The following CARS1 variants were observed in gnomAD, a reference collection of about 807,000 sequenced individuals.
CARS1 encodes cysteine--tRNA ligase, cytoplasmic.
In CARS1, 48 loss-of-function variants were observed where a neutral mutation model predicts 106.2. That is an observed-to-expected ratio of 0.45 (90% CI 0.36 to 0.57). The LOEUF (loss-of-function observed/expected upper bound fraction) is 0.57, where lower values mean the gene tolerates loss of function less well. Ranked by LOEUF, CARS1 falls within the 20% of genes least tolerant of loss-of-function variation. The pLI is 0.00. For synonymous variants in CARS1, 409 were observed against 403.4 expected, an observed-to-expected ratio of 1.01 and a Z score of -0.17; for missense variants, 968 against 1,057.2, an observed-to-expected ratio of 0.92 and a Z score of 1.17.
chr11:3,013,509 T>C (rs961390125), intron 17 of CARS1, among the ~76,000 whole-genome samples: 2 of 152,140 alleles, frequency 1.3e-5, no homozygotes, highest in Non-Finnish European at 2.9e-5. Flanking sequence ...GCAAGGTTGC[T>C]CCCTGCCCCT....
In CARS1 at chr11:3,034,467, C is replaced by T. The variant is rs935375055; in HGVS notation, c.801+3583G>A. ...AACCCCTGACCTCAGGTGATCCGCC[C>T]GCCTCAGCCTCCCAAAGTGCTAGGA... On this transcript the variant is annotated intron_variant, in intron 7 of 22. Transcript: ENST00000380525. The surrounding 1 kb of genome is among the most constrained non-coding windows in gnomAD (Gnocchi z 6.3). 1.3e-5 allele frequency among the ~76,000 whole-genome samples: 2 copies of T among 152,040 alleles called. No individual in the cohort carries two copies. The highest frequency in any genetic ancestry group is 2.9e-5 in the Non-Finnish European group (2 of 68,000).
Position 3,040,500 on chromosome 11 carries a change from G to A in CARS1, c.455+396C>T. ...TACAGCCATGACCATCCAGTGGTCG[G>A]GGGGCGGTCACAGCCAACCCAGCGT... On this transcript the variant is annotated intron_variant, in intron 4 of 22. Transcript: ENST00000380525. The surrounding 1 kb of genome is among the most constrained non-coding windows in gnomAD (Gnocchi z 5.8). The A allele has an allele frequency of 2.1e-6, 1 of 474,674 alleles. No homozygotes were observed. 29.4% of individuals were successfully genotyped at this position (474,674 alleles called of 1,614,324 possible). A position where few individuals can be genotyped will look rare whatever the true frequency, so the allele number is the denominator to read the frequency against.
At chr11:3,054,751 C>T (rs1856028456) in intron 1 of CARS1, 2 of 634,812 alleles carry the variant, frequency 3.2e-6, no homozygotes, top group Non-Finnish European at 5.6e-6. Context: ...CCAAGGGTGG[C>T]AGGAGATAAC....
At chr11:3,026,940 G>T in intron 9 of CARS1, 143 bp from the exon 10 acceptor site, 1 of 914,054 alleles carries the variant, frequency 1.1e-6, no homozygotes, top group South Asian at 1.7e-5. Context: ...ACTGAAAACC[G>T]TATCAGCTGT....
Position 3,045,227 on chromosome 11 carries a change from G to C in CARS1, c.274+2526C>G, listed in dbSNP as rs1326267778. Among the ~76,000 whole-genome samples the C allele has an allele frequency of 6.6e-6, 1 of 152,108 alleles. No individual in the cohort carries two copies. The highest frequency in any genetic ancestry group is 1.9e-4 in the East Asian group (1 of 5,176). Reference sequence around the variant, plus strand: ...ACCAGGAAGGGGTCTGGCTTCACAGGAGTAGGGACCTGGGGGTTAAGCAGA... The same window carrying C: ...ACCAGGAAGGGGTCTGGCTTCACAGCAGTAGGGACCTGGGGGTTAAGCAGA... On this transcript the variant is annotated intron_variant, in intron 2 of 22. Transcript: ENST00000380525. This position sits in a 1 kb window ranked among gnomAD's most constrained non-coding sequence, Gnocchi z 5.6.
At chr11:3,024,969 C>A (rs1490823374) in intron 10 of CARS1, among the ~76,000 whole-genome samples, 1 of 152,194 alleles carries the variant, frequency 6.6e-6, no homozygotes, top group Non-Finnish European at 1.5e-5. Context: ...CCTTTCATAT[C>A]CGTATTAATT....
chr11:3,041,187 G>C lies in CARS1; in HGVS notation c.367-203C>G. On this transcript the variant is annotated intron_variant, in intron 3 of 22. Coordinates refer to ENST00000380525, the MANE Select transcript of CARS1 (RefSeq NM_001014437.3). The surrounding 1 kb of genome is among the most constrained non-coding windows in gnomAD (Gnocchi z 4.9). ...GGCACCTCCCACCAACTGAGCCCTG[G>C]GTGGGTGGGGCCTCTTCCTCCCTGG... is the stretch of plus-strand genomic sequence containing the variant. The C allele has an allele frequency of 1.6e-6, 1 of 634,100 alleles. No homozygotes were observed. The highest frequency in any genetic ancestry group is 2.6e-6 in the Non-Finnish European group (1 of 386,820). The allele number at this position is 634,100 out of a possible 1,614,324, so 39.3% of individuals were successfully genotyped here.
intron 19 of CARS1, among the ~76,000 whole-genome samples, chr11:3,006,307 G>C (rs912490372): frequency 3.9e-5 from 6 of 152,112 alleles, no homozygotes; most frequent in Non-Finnish European, 8.8e-5. Flanking sequence ...TTAGCCGAGC[G>C]TGGTGATGGG....
In CARS1 at chr11:3,032,230, G is replaced by C. The variant is rs1006300562; in HGVS notation, c.802-2787C>G. Reference sequence around the variant, plus strand: ...AGGGATTACAGTCACGTGACGCCACGCCCAGCTAATGTTTGCATTGTCAGT... The same window carrying C: ...AGGGATTACAGTCACGTGACGCCACCCCCAGCTAATGTTTGCATTGTCAGT... On this transcript the variant is annotated intron_variant, in intron 7 of 22. Transcript: ENST00000380525. Among the ~76,000 whole-genome samples, 4 of 151,824 alleles carry C rather than the reference G, an allele frequency of 2.6e-5. No individual in the cohort carries two copies. The South Asian group carries it at 6.2e-4, about 24-fold the overall frequency.
intron 18 of CARS1, among the ~76,000 whole-genome samples, chr11:3,009,819 C>T (rs1850274750): frequency 6.6e-6 from 1 of 152,232 alleles, no homozygotes; most frequent in South Asian, 2.1e-4. Flanking sequence ...CTGAGGGCCA[C>T]CCCTGAGCTT....
intron 17 of CARS1, among the ~76,000 whole-genome samples, chr11:3,012,884 C>T (rs1286358931): frequency 7.7e-5 from 9 of 116,914 alleles, no homozygotes; most frequent in African/African-American, 2.9e-4. Context: ...CTATATTTCC[C>T]TTTTTTTTTT....
Position 3,017,817 on chromosome 11 carries a change from G to A in CARS1, c.1727+40C>T. ...AGATGCGAGGCTAGGCATAGAACAT[G>A]GGCATGCTCAAAAACCCCAAAGAAA... On this transcript the variant is annotated intron_variant, in intron 15 of 22. Transcript: ENST00000380525. This position sits in a 1 kb window ranked among gnomAD's most constrained non-coding sequence, Gnocchi z 4.9. 2 of 1,354,538 alleles carry A rather than the reference G, an allele frequency of 1.5e-6. No homozygotes were observed. Among genetic ancestry groups the A allele is most frequent in the African/African-American group, 1.4e-5 (1 of 69,882 alleles). The allele number at this position is 1,354,538 out of a possible 1,614,324, so 83.9% of individuals were successfully genotyped here.
intron 18 of CARS1, among the ~76,000 whole-genome samples, chr11:3,011,546 G>A (rs1362565419): frequency 3.9e-5 from 6 of 152,122 alleles, no homozygotes; most frequent in South Asian, 2.1e-4. Context: ...CCCGGGAGGC[G>A]GAGCTTGCAG....
chr11:3,002,483 T>G (rs1378019259), intron 21 of CARS1, 58 bp downstream of exon 21: 1 of 1,606,392 alleles, frequency 6.2e-7, no homozygotes, highest in Non-Finnish European at 8.5e-7. Flanking sequence ...CCACAGGGCA[T>G]GGGGTCAGGG....
rs963750762 is a variant in CARS1, at chr11:3,004,701, G to C, written c.2217+665C>G. 6.6e-6 allele frequency among the ~76,000 whole-genome samples: 1 copy of C among 152,212 alleles called. No homozygotes were observed. The highest frequency in any genetic ancestry group is 2.4e-5 in the African/African-American group (1 of 41,458). ...GCACCGAGGAACTTGGGCCATCCCT[G>C]ATCCTGGGGGCGTTGTGGGGTGCAG... On this transcript the variant is annotated intron_variant, in intron 20 of 22. Transcript: ENST00000380525. This position sits in a 1 kb window ranked among gnomAD's most constrained non-coding sequence, Gnocchi z 5.2.
At position 3,046,704 on chromosome 11, in the gene CARS1, A is replaced by G. The variant is rs1239413946; in HGVS notation, c.274+1049T>C. On this transcript the variant is annotated intron_variant, in intron 2 of 22. Transcript: ENST00000380525. This position sits in a 1 kb window ranked among gnomAD's most constrained non-coding sequence, Gnocchi z 5.8. ...CCCCAGAAGGCTGCCAGCTACAGCC[A>G]GGACCACCAGAAAACAGCACTAAAC... Among the ~76,000 whole-genome samples the G allele has an allele frequency of 6.6e-6, 1 of 152,166 alleles. No homozygotes were observed. The highest frequency in any genetic ancestry group is 1.5e-5 in the Non-Finnish European group (1 of 68,022).
At chr11:3,049,734 G>A (rs563987315) in intron 1 of CARS1, among the ~76,000 whole-genome samples, 2 of 152,348 alleles carry the variant, frequency 1.3e-5, no homozygotes, top group East Asian at 1.9e-4. Flanking sequence ...GCCATGGGGC[G>A]TGGATGCCCT....
chr11:3,030,963 CAAG>C lies in CARS1; in HGVS notation c.802-1523_802-1521del, dbSNP rs1852674887. 1 of 151,966 alleles carries C rather than the reference CAAG, an allele frequency of 6.6e-6. No individual in the cohort carries two copies. The allele number at this position is 151,966 out of a possible 1,614,324, so 9.4% of individuals were successfully genotyped here. On this transcript the variant is annotated intron_variant, in intron 7 of 22. Coordinates refer to ENST00000380525, the MANE Select transcript of CARS1 (RefSeq NM_001014437.3). This position sits in a 1 kb window ranked among gnomAD's most constrained non-coding sequence, Gnocchi z 5.7. ...GAAGTCATCCAAAATGAAACAGAGA[CAAG>C]AAGGAAAATTTTATGAAAGACAGGT... is the stretch of plus-strand genomic sequence containing the variant.
rs1044985082 is a variant in CARS1, at chr11:3,037,100, G to A, written c.801+950C>T. Among the ~76,000 whole-genome samples, 1 of 152,162 alleles carries A rather than the reference G, an allele frequency of 6.6e-6. No homozygotes were observed. The highest frequency in any genetic ancestry group is 1.5e-5 in the Non-Finnish European group (1 of 68,030). ...GGAAACCTAACTGCCCGTCCCAGGAGAACAGACAAACAGCTCGGCTCCCAG... is the reference window on the plus strand; with the variant it reads ...GGAAACCTAACTGCCCGTCCCAGGAAAACAGACAAACAGCTCGGCTCCCAG... On this transcript the variant is annotated intron_variant, in intron 7 of 22. Coordinates refer to ENST00000380525, the MANE Select transcript of CARS1 (RefSeq NM_001014437.3). The surrounding 1 kb of genome is among the most constrained non-coding windows in gnomAD (Gnocchi z 5.9).
Sources: allele counts gnomAD v4.1 joint callset (sites outside exome capture counted in the v4.1 genomes callset), GRCh38; gene constraint gnomAD v4.1.1; non-coding constraint Gnocchi (gnomAD v3.1); transcripts MANE v1.5; gene names NCBI Gene and HGNC (gene_info 2026-07-23, HGNC 2026-07-21).